Variants in LSM2 observed in about 807,000 individuals in gnomAD.
LSM2 encodes the protein LSM2 homolog, U6 small nuclear RNA and mRNA degradation associated, also known as U6 snRNA-associated Sm-like protein LSm2.
In LSM2, 12 loss-of-function variants were observed where a neutral mutation model predicts 17.0. That is an observed-to-expected ratio of 0.70 (90% CI 0.45 to 1.14). The LOEUF (loss-of-function observed/expected upper bound fraction) is 1.14. Ranked by LOEUF, LSM2 falls within the 50% of genes most tolerant of loss-of-function variation. The probability of loss-of-function intolerance (pLI) is 0.00; values close to 1 mark genes in which losing one functional copy is unlikely to be tolerated. For missense variants in LSM2, 62 were observed against 111.8 expected (o/e 0.55, Z 2.01); for synonymous variants, 42 against 44.5 (o/e 0.94, Z 0.22).
chr6:31,803,560 C>T (rs772092772), intron 2 of LSM2, among the ~76,000 whole-genome samples: 1 of 151,490 alleles, frequency 6.6e-6, no homozygotes, highest in Non-Finnish European at 1.5e-5. Flanking sequence ...AATGAGGTAA[C>T]AGGTATCAAT....
chr6:31,805,184 C>T lies in LSM2; in HGVS notation c.71+891G>A, dbSNP rs182471210. Among the ~76,000 whole-genome samples the T allele has an allele frequency of 1.1e-4, 16 of 152,148 alleles. 4 individuals are homozygous for T. The highest frequency in any genetic ancestry group is 3.6e-4 in the African/African-American group (15 of 41,510). ...GGTTCAAGTGATCCTCCCACCTCAGCCTCCCGAATAGCTGAGACTACAGGC... is the reference window on the plus strand; with the variant it reads ...GGTTCAAGTGATCCTCCCACCTCAGTCTCCCGAATAGCTGAGACTACAGGC... On this transcript the variant is annotated intron_variant, in intron 2 of 4. Transcript: ENST00000375661.
intron 3 of LSM2, among the ~76,000 whole-genome samples, 183 bp downstream of exon 3, chr6:31,798,294 G>C (rs1814504945): frequency 6.6e-6 from 1 of 151,996 alleles, no homozygotes; most frequent in African/African-American, 2.4e-5. Flanking sequence ...TGTTTGTCAG[G>C]CTTGTCTTGA....
chr6:31,798,897 C>T (rs1056947347), intron 2 of LSM2, among the ~76,000 whole-genome samples: 1 of 151,730 alleles, frequency 6.6e-6, no homozygotes, highest in Non-Finnish European at 1.5e-5. Flanking sequence ...CCATCATGCC[C>T]GGCTAATTTT....
At chr6:31,800,527 C>T (rs987926774) in intron 2 of LSM2, among the ~76,000 whole-genome samples, 4 of 151,816 alleles carry the variant, frequency 2.6e-5, no homozygotes, top group African/African-American at 7.3e-5. Flanking sequence ...CCAAGGTGGG[C>T]GGATCACTTG....
chr6:31,804,353 C>G (rs1814881936), intron 2 of LSM2, among the ~76,000 whole-genome samples: 2 of 149,098 alleles, frequency 1.3e-5, no homozygotes, highest in Admixed American at 6.6e-5. Flanking sequence ...GACTGAAACT[C>G]CATCTCAAAA....
intron 2 of LSM2, among the ~76,000 whole-genome samples, chr6:31,805,386 G>T (rs1208244309): frequency 8.5e-5 from 11 of 128,896 alleles, no homozygotes; most frequent in Admixed American, 5.9e-4. Flanking sequence ...TTTTTTTTGA[G>T]ACAGAATCTC....
chr6:31,805,684 GTATT>G (rs1202030815), intron 2 of LSM2, among the ~76,000 whole-genome samples: 1 of 151,694 alleles, frequency 6.6e-6, no homozygotes, highest in African/African-American at 2.4e-5. Context: ...CGCCTGACCT[GTATT>G]TACTCTTTAA....
In LSM2 at chr6:31,806,781, G is replaced by A. The variant is rs763405875; in HGVS notation, c.-24C>T. On this transcript the variant is annotated 5_prime_UTR_variant, in exon 1 of 5. Transcript: ENST00000375661. ...ATGGTGCTGGCGCCGCGGGCAGCGG[G>A]CCGGACCGGGAAGACAGCAGGGTGC... is the stretch of plus-strand genomic sequence containing the variant. 12 of 1,608,406 alleles carry A rather than the reference G, an allele frequency of 7.5e-6. No homozygotes were observed. The highest frequency in any genetic ancestry group is 1.0e-5 in the Non-Finnish European group (12 of 1,178,326).
intron 2 of LSM2, among the ~76,000 whole-genome samples, chr6:31,803,779 C>T (rs1814849983): frequency 6.6e-6 from 1 of 151,962 alleles, no homozygotes. Flanking sequence ...TGGAGTTTCA[C>T]CATGTTGGCC....
At chr6:31,798,331 C>A (rs1163901768) in intron 3 of LSM2, 146 bp downstream of exon 3, 4 of 951,844 alleles carry the variant, frequency 4.2e-6, no homozygotes, top group Non-Finnish European at 6.3e-6. Flanking sequence ...CTCGGCCTCT[C>A]AAAGTGCTGG....
chr6:31,799,365 A>AT lies in LSM2; in HGVS notation c.72-859dup, dbSNP rs1213877375. Among the ~76,000 whole-genome samples, 483 of 149,378 alleles carry AT rather than the reference A, an allele frequency of 3.2e-3. 2 individuals are homozygous for AT. Among genetic ancestry groups the AT allele is most frequent in the African/African-American group, 9.8e-3 (400 of 40,682 alleles). ...AGGCTTGAGCCACCATGCCCAGCTG[A>AT]TTTTTTTTTGAGATGGAGTCTCGCT... On this transcript the variant is annotated intron_variant, in intron 2 of 4. Transcript: ENST00000375661.
chr6:31,803,891 A>G (rs959001412), intron 2 of LSM2, among the ~76,000 whole-genome samples: 1 of 151,920 alleles, frequency 6.6e-6, no homozygotes, highest in Non-Finnish European at 1.5e-5. Flanking sequence ...AAATGTACAT[A>G]TTATTTAAAG....
Position 31,806,929 on chromosome 6 carries a change from GC to G in LSM2, c.-173del. 2 of 849,782 alleles carry G rather than the reference GC, an allele frequency of 2.4e-6. No individual in the cohort carries two copies. The highest frequency in any genetic ancestry group is 3.5e-6 in the Non-Finnish European group (2 of 564,948). 52.6% of individuals were successfully genotyped at this position (849,782 alleles called of 1,614,324 possible). ...CTGACGGGCAAAGCGCGGCCGACTT[GC>G]GGCTGGGGAGCGCAAGCTGGGTAGA... On this transcript the variant is annotated 5_prime_UTR_variant, in exon 1 of 5. Transcript: ENST00000375661.
intron 2 of LSM2, among the ~76,000 whole-genome samples, chr6:31,798,733 C>CTTTTTTTT (rs9281580): frequency 1.4e-4 from 13 of 89,868 alleles, no homozygotes; most frequent in Non-Finnish European, 2.5e-4. Context: ...CCAATCCATT[C>CTTTTTTTT]TTTTTTTTTT....
At chr6:31,801,206 A>G (rs1814682767) in intron 2 of LSM2, among the ~76,000 whole-genome samples, 1 of 150,278 alleles carries the variant, frequency 6.7e-6, no homozygotes, top group Non-Finnish European at 1.5e-5. Context: ...CCACTTAAAT[A>G]TGCTCTAGGA....
chr6:31,805,581 T>G (rs1581684808), intron 2 of LSM2, among the ~76,000 whole-genome samples: 1 of 152,094 alleles, frequency 6.6e-6, no homozygotes. Context: ...ACCGGGCTGG[T>G]CTTGAACTCC....
chr6:31,806,754 C>T lies in LSM2; in HGVS notation c.3+1G>A, dbSNP rs1198998831. 2 of 1,610,186 alleles carry T rather than the reference C, an allele frequency of 1.2e-6. No homozygotes were observed. The highest frequency in any genetic ancestry group is 1.7e-6 in the Non-Finnish European group (2 of 1,179,014). ...CCCCCTTTTGACGTCACGGTACCCACCATGGTGCTGGCGCCGCGGGCAGCG... is the reference window on the plus strand; with the variant it reads ...CCCCCTTTTGACGTCACGGTACCCATCATGGTGCTGGCGCCGCGGGCAGCG... On this transcript the variant is annotated splice_donor_variant, in intron 1 of 4. Coordinates refer to ENST00000375661, the MANE Select transcript of LSM2 (RefSeq NM_021177.5). LOFTEE classifies it high-confidence loss of function.
At chr6:31,801,723 G>A (rs1196266923) in intron 2 of LSM2, among the ~76,000 whole-genome samples, 3 of 152,174 alleles carry the variant, frequency 2.0e-5, no homozygotes, top group Non-Finnish European at 4.4e-5. Context: ...TTGAACCCAG[G>A]AGGCAGAGGT....
At position 31,806,135 on chromosome 6, in the gene LSM2, T is replaced by C. The variant is rs532481950; in HGVS notation, c.11A>G (p.Tyr4Cys). MLF[Y>C]SFFKSLVGKD... ...GCCCACAAGGGACTTGAAAAAAGAA[T>C]AGAAGAGCTATTGGGAGAGAGGGGG... Residue 4 changes from tyrosine (Y) to cysteine (C), a missense_variant, in exon 2 of 5, where the codon TAT becomes TGT. Tyr to Cys is a radical substitution (Grantham distance 194). Transcript: ENST00000375661. 1.2e-5 allele frequency: 19 copies of C among 1,612,700 alleles called. No individual in the cohort carries two copies. Among genetic ancestry groups the C allele is most frequent in the East Asian group, 4.5e-5 (2 of 44,898 alleles).
Sources: allele counts gnomAD v4.1 joint callset (sites outside exome capture counted in the v4.1 genomes callset), GRCh38; gene constraint gnomAD v4.1.1; transcripts MANE v1.5; gene names NCBI Gene and HGNC (gene_info 2026-07-23, HGNC 2026-07-21).